Variants in MYPN observed in about 807,000 individuals in gnomAD.
MYPN encodes the protein sarcomeric protein myopalladin, 145 kDa (MYOP).
A neutral mutation model predicts 129.4 loss-of-function variants in MYPN; 63 were observed. That is an observed-to-expected ratio of 0.49 (90% CI 0.40 to 0.60). MYPN has a LOEUF of 0.60. MYPN is among the 20% of genes least tolerant of loss of function. The probability of loss-of-function intolerance (pLI) is 0.00; values close to 1 mark genes in which losing one functional copy is unlikely to be tolerated. For missense variants in MYPN, 1,596 were observed against 1,635.4 expected (o/e 0.98, Z 0.42); for synonymous variants, 629 against 600.9 (o/e 1.05, Z -0.68).
chr10:68,104,630 C>CT (rs1242204575), upstream of MYPN, among the ~76,000 whole-genome samples: 5 of 152,004 alleles, frequency 3.3e-5, no homozygotes, highest in East Asian at 3.9e-4. Context: ...CAAGCATTTG[C>CT]TTTTTTCTTT....
intron 12 of MYPN, among the ~76,000 whole-genome samples, chr10:68,185,030 C>A (rs981357852): frequency 6.6e-6 from 1 of 151,826 alleles, no homozygotes; most frequent in Non-Finnish European, 1.5e-5. Context: ...GACTTCCGGC[C>A]GGGCGTGCTC....
intron 18 of MYPN, among the ~76,000 whole-genome samples, chr10:68,204,744 A>AAAAAAG (rs908401491): frequency 2.0e-5 from 3 of 151,352 alleles, no homozygotes; most frequent in African/African-American, 7.3e-5. Flanking sequence ...AAAAAAAAAA[A>AAAAAAG]AGAGAATACA....
At chr10:68,191,481 C>G (rs962511890) in intron 13 of MYPN, among the ~76,000 whole-genome samples, 130 of 152,256 alleles carry the variant, frequency 8.5e-4, no homozygotes, top group African/African-American at 3.0e-3. Context: ...GCCTCCCAAA[C>G]TGCTGGGAAT....
At chr10:68,196,486 T>C (rs895423457) in intron 15 of MYPN, among the ~76,000 whole-genome samples, 8 of 101,456 alleles carry the variant, frequency 7.9e-5, no homozygotes, top group East Asian at 2.2e-4. Context: ...TCTTCTTCTT[T>C]TTTTTTTTTT....
chr10:68,130,064 AC>A (rs1337629375), intron 2 of MYPN, among the ~76,000 whole-genome samples: 17 of 151,816 alleles, frequency 1.1e-4, no homozygotes, highest in Admixed American at 2.0e-4. Context: ...TTGTTTGTTG[AC>A]CTTTCAGGAC....
At chr10:68,163,585 C>T (rs986197645) in intron 8 of MYPN, among the ~76,000 whole-genome samples, 6 of 151,780 alleles carry the variant, frequency 4.0e-5, no homozygotes, top group African/African-American at 9.7e-5. Flanking sequence ...GCCAAGATCA[C>T]GCCACTGCAC....
chr10:68,089,502 C>T (rs201170493), intron 1 of MYPN, among the ~76,000 whole-genome samples: 7 of 151,928 alleles, frequency 4.6e-5, no homozygotes, highest in Admixed American at 1.3e-4. Context: ...CCACCATGCC[C>T]GGCTAATTTT....
intron 2 of MYPN, chr10:68,136,558 T>C (rs2134042692): frequency 2.8e-6 from 4 of 1,446,788 alleles, no homozygotes; most frequent in Non-Finnish European, 3.6e-6. Context: ...AAGTGGGTCA[T>C]GCTGTTAAAG....
chr10:68,168,861 C>T (rs753184852), intron 10 of MYPN, among the ~76,000 whole-genome samples: 19 of 151,822 alleles, frequency 1.3e-4, no homozygotes, highest in Admixed American at 2.0e-4. Flanking sequence ...GGTGTGGTGG[C>T]GCGTGCCTTT....
chr10:68,163,010 A>G (rs2043001644), intron 8 of MYPN, among the ~76,000 whole-genome samples: 1 of 152,218 alleles, frequency 6.6e-6, no homozygotes, highest in Admixed American at 6.5e-5. Flanking sequence ...ATCCTTAAAC[A>G]AAAGCCTTAT....
rs748080770 is a variant in MYPN at position 68,194,476 on chromosome 10, C to T, written c.3039C>T (p.Asp1013=). 14 of 1,613,730 alleles carry T rather than the reference C, an allele frequency of 8.7e-6. No homozygotes were observed. The highest frequency in any genetic ancestry group is 5.0e-5 in the Admixed American group (3 of 59,978). The change falls in exon 14 of 20, where the codon GAC becomes GAT. Residue 1013 remains aspartate (D), a synonymous_variant. Coordinates refer to ENST00000358913, the MANE Select transcript of MYPN (RefSeq NM_032578.4). The stretch of plus-strand genomic sequence containing the variant: ...ACATTGAATCCACTACCAGTGATGA[C>T]GATGGCAACTACACCATCATGGCAG... ...SLHIESTTSD[D]DGNYTIMAAN...
chr10:68,138,734 G>A (rs2042526910), intron 2 of MYPN, among the ~76,000 whole-genome samples: 1 of 152,136 alleles, frequency 6.6e-6, no homozygotes, highest in Non-Finnish European at 1.5e-5. Context: ...TGAAGGGTTA[G>A]CACCCTTTAA....
intron 13 of MYPN, among the ~76,000 whole-genome samples, chr10:68,190,599 G>C (rs4746734): frequency 0.31 from 46,972 of 152,070 alleles, 7,726 homozygotes; most frequent in East Asian, 0.66. Flanking sequence ...CTTGTCAGAT[G>C]GATACTTTGC....
rs77249928 is a variant in MYPN at position 68,165,781 on chromosome 10, C to T, written c.1563C>T (p.Tyr521=). The T allele has an allele frequency of 4.3e-4, 694 of 1,614,104 alleles. No homozygotes were observed. The African/African-American group carries it at 5.6e-3, about 13-fold the overall frequency. ...GCFTCTASNK[Y]GTVSSIAQLH... is the part of the protein sequence containing the mutation. ...TCACATGTACTGCAAGCAACAAATACGGCACAGTGTCAAGCATTGCACAGC... is the reference window on the plus strand; with the variant it reads ...TCACATGTACTGCAAGCAACAAATATGGCACAGTGTCAAGCATTGCACAGC... Residue 521 remains tyrosine (Y), a synonymous_variant, in exon 9 of 20, where the codon TAC becomes TAT. Transcript: ENST00000358913.
At chr10:68,162,072 G>A in intron 8 of MYPN, 1 of 187,036 alleles carries the variant, frequency 5.3e-6, no homozygotes, top group Non-Finnish European at 1.1e-5. Context: ...GGAGGCTGAG[G>A]CAGGAGAATC....
At chr10:68,162,551 C>G (rs185035519) in intron 8 of MYPN, among the ~76,000 whole-genome samples, 19 of 152,364 alleles carry the variant, frequency 1.2e-4, no homozygotes, top group Admixed American at 2.6e-4. Flanking sequence ...ATACAAGTCA[C>G]TCACAAAACA....
chr10:68,199,852 C>T (rs1440458324), intron 17 of MYPN, among the ~76,000 whole-genome samples: 1 of 152,164 alleles, frequency 6.6e-6, no homozygotes, highest in African/African-American at 2.4e-5. Context: ...TCACTAAATT[C>T]CAGTTATTTG....
chr10:68,116,081 A>G (rs562897751), intron 1 of MYPN, among the ~76,000 whole-genome samples: 51 of 152,318 alleles, frequency 3.3e-4, no homozygotes, highest in African/African-American at 1.2e-3. Context: ...CCATTAGGAT[A>G]GAGACTTTGT....
chr10:68,128,609 CA>C (rs2042362049), intron 2 of MYPN, among the ~76,000 whole-genome samples: 1 of 152,102 alleles, frequency 6.6e-6, no homozygotes, highest in South Asian at 2.1e-4. Context: ...TGCCTTCATG[CA>C]GCATAGAGTA....
Sources: gnomAD v4.1 joint callset for allele counts (sites outside exome capture counted in the v4.1 genomes callset) on GRCh38, gnomAD v4.1.1 for gene constraint, MANE v1.5 for transcripts, NCBI Gene and HGNC (gene_info 2026-07-23, HGNC 2026-07-21) for gene names.